The following SMG6 variants were observed in gnomAD, a reference collection of about 807,000 sequenced individuals.
SMG6 encodes the protein SMG6 nonsense mediated mRNA decay factor.
In SMG6, 66 loss-of-function variants were observed where a neutral mutation model predicts 142.2. The ratio of observed to expected loss-of-function variants is 0.46; its 90% confidence interval spans 0.38 to 0.57. SMG6 has a LOEUF of 0.57. Among genes scored for constraint, SMG6 ranks in the 20% least tolerant of loss-of-function variants. The probability of loss-of-function intolerance (pLI) is 0.00; values close to 1 mark genes in which losing one functional copy is unlikely to be tolerated. For synonymous variants in SMG6, 779 were observed against 702.4 expected, an observed-to-expected ratio of 1.11 and a Z score of -1.72; for missense variants, 1,793 against 1,832.0, an observed-to-expected ratio of 0.98 and a Z score of 0.39.
intron 8 of SMG6, among the ~76,000 whole-genome samples, chr17:2,268,260 GC>G (rs2074467142): frequency 6.6e-6 from 1 of 152,054 alleles, no homozygotes; most frequent in Non-Finnish European, 1.5e-5. Flanking sequence ...TAAACCTAAA[GC>G]CTCATGATAC....
intron 13 of SMG6, among the ~76,000 whole-genome samples, chr17:2,141,202 A>G (rs1362274475): frequency 1.3e-5 from 2 of 152,240 alleles, no homozygotes; most frequent in Admixed American, 6.5e-5. Flanking sequence ...GTAACTTTCC[A>G]TCATTACAGT....
chr17:2,126,715 CAAAAA>C (rs532997926), intron 13 of SMG6, among the ~76,000 whole-genome samples: 1 of 66,102 alleles, frequency 1.5e-5, no homozygotes, highest in African/African-American at 5.3e-5. Flanking sequence ...GGCTCAGTTT[CAAAAA>C]AAAAAAAAAA....
intron 13 of SMG6, chr17:2,127,703 G>A (rs189013884): frequency 1.6e-5 from 9 of 566,026 alleles, no homozygotes; most frequent in East Asian, 4.7e-5. Flanking sequence ...GTATCTGTTC[G>A]GACTTTAATC....
intron 13 of SMG6, among the ~76,000 whole-genome samples, chr17:2,154,961 G>A (rs1056769813): frequency 6.6e-6 from 1 of 152,072 alleles, no homozygotes; most frequent in Non-Finnish European, 1.5e-5. Flanking sequence ...CTTGAGCTCA[G>A]AAGGTTGAGG....
chr17:2,094,107 G>A (rs1235492889), intron 13 of SMG6, among the ~76,000 whole-genome samples: 2 of 152,158 alleles, frequency 1.3e-5, no homozygotes, highest in African/African-American at 2.4e-5. Flanking sequence ...CGGAACAAGC[G>A]GGCCACTAAT....
intron 10 of SMG6, among the ~76,000 whole-genome samples, chr17:2,191,504 G>T (rs905556294): frequency 1.3e-5 from 2 of 152,232 alleles, no homozygotes; most frequent in Admixed American, 1.3e-4. Context: ...TTTGTGTCAG[G>T]TAGCAGGAGC....
intron 2 of SMG6, among the ~76,000 whole-genome samples, chr17:2,298,589 G>A (rs2075196660): frequency 6.6e-6 from 1 of 151,932 alleles, no homozygotes; most frequent in Non-Finnish European, 1.5e-5. Context: ...GTGGTGGCAG[G>A]CGCCTGTAGT....
chr17:2,105,772 C>T (rs574857827), intron 13 of SMG6, among the ~76,000 whole-genome samples: 88 of 152,272 alleles, frequency 5.8e-4, no homozygotes, highest in African/African-American at 2.0e-3. Flanking sequence ...TTTCACTGGA[C>T]ATAATATGGG....
chr17:2,258,030 A>C (rs370390757), intron 8 of SMG6, among the ~76,000 whole-genome samples: 1 of 110,896 alleles, frequency 9.0e-6, no homozygotes, highest in East Asian at 2.6e-4. Context: ...AAAAAAAAAA[A>C]AAAAATATAC....
intron 8 of SMG6, among the ~76,000 whole-genome samples, chr17:2,282,170 T>G (rs2074801237): frequency 6.6e-6 from 1 of 152,108 alleles, no homozygotes; most frequent in Admixed American, 6.5e-5. Flanking sequence ...AAGCCTGTGA[T>G]TTTTCTACTG....
At chr17:2,146,134 T>C (rs919629113) in intron 13 of SMG6, among the ~76,000 whole-genome samples, 6 of 152,130 alleles carry the variant, frequency 3.9e-5, no homozygotes, top group African/African-American at 4.8e-5. Flanking sequence ...CAAAAAACAA[T>C]AGTAATGCAA....
intron 15 of SMG6, among the ~76,000 whole-genome samples, chr17:2,069,494 G>T (rs983073590): frequency 1.3e-5 from 2 of 151,850 alleles, no homozygotes; most frequent in Non-Finnish European, 2.9e-5. Flanking sequence ...TACTTGGGAG[G>T]CTGACATGGG....
Position 2,081,944 on chromosome 17 carries a change from C to A in SMG6, c.3547G>T (p.Val1183Leu). 6.2e-7 allele frequency: 1 copy of A among 1,614,164 alleles called. No homozygotes were observed. Among genetic ancestry groups the A allele is most frequent in the Non-Finnish European group, 8.5e-7 (1 of 1,180,042 alleles). Residue 1183 changes from valine (V) to leucine (L), a missense_variant, in exon 15 of 19, where the codon GTG (valine) becomes TTG (leucine). This residue lies in a region of SMG6 where 1,597 missense variants were observed against 1,584.6 expected (regional missense o/e 1.01). Coordinates refer to ENST00000263073, the MANE Select transcript of SMG6 (RefSeq NM_017575.5). ...GAATCTTCCTCAAAGTCTTCAATCACCACATCCTCCTCCTTTGGGTGGTGG... is the reference window on the plus strand; with the variant it reads ...GAATCTTCCTCAAAGTCTTCAATCAACACATCCTCCTCCTTTGGGTGGTGG... ...TRLEDEEEDV[V>L]IEDFEEDSEA...
chr17:2,279,635 G>C (rs897078878), intron 8 of SMG6, among the ~76,000 whole-genome samples: 1 of 152,160 alleles, frequency 6.6e-6, no homozygotes, highest in Non-Finnish European at 1.5e-5. Context: ...AAGGAGAGAA[G>C]TGGATGGCTT....
intron 13 of SMG6, among the ~76,000 whole-genome samples, chr17:2,108,854 G>C (rs944300787): frequency 2.0e-4 from 30 of 151,676 alleles, no homozygotes; most frequent in African/African-American, 6.8e-4. Context: ...TGAGGTGGTA[G>C]AATCACTTGA....
chr17:2,147,363 A>C (rs2070700889), intron 13 of SMG6, among the ~76,000 whole-genome samples: 1 of 152,138 alleles, frequency 6.6e-6, no homozygotes, highest in Non-Finnish European at 1.5e-5. Flanking sequence ...ACTGCACTCC[A>C]GCCTGGGTGA....
At chr17:2,230,116 G>A (rs1403387729) in intron 10 of SMG6, among the ~76,000 whole-genome samples, 3 of 139,616 alleles carry the variant, frequency 2.1e-5, no homozygotes, top group African/African-American at 8.0e-5. Flanking sequence ...AACCCAGGAG[G>A]CAGAGGTTGC....
rs1249477629 is a variant in SMG6 at position 2,244,762 on chromosome 17, CCA to C, written c.2662-45_2662-44del. 1.9e-6 allele frequency: 3 copies of C among 1,547,182 alleles called. No individual in the cohort carries two copies. The African/African-American group carries it at 4.1e-5, about 21-fold the overall frequency. On this transcript the variant is annotated intron_variant, in intron 8 of 18. Coordinates refer to ENST00000263073, the MANE Select transcript of SMG6 (RefSeq NM_017575.5). Reference sequence around the variant, plus strand: ...AGAGGAGAAAACAATTAAACTTTCCCCAGTTTCCTGTTACTGAACAGAGTCCC... The same window carrying C: ...AGAGGAGAAAACAATTAAACTTTCCCGTTTCCTGTTACTGAACAGAGTCCC...
At position 2,116,841 on chromosome 17, in the gene SMG6, G is replaced by GA. The variant is rs756947319; in HGVS notation, c.3358-30941dup. ...CATAGGACTTATATTCAGAATACTGGAAAAAAAAAACACCCTATAAATCAG... is the reference window on the plus strand; with the variant it reads ...CATAGGACTTATATTCAGAATACTGGAAAAAAAAAAACACCCTATAAATCAG... On this transcript the variant is annotated intron_variant, in intron 13 of 18. Coordinates refer to ENST00000263073, the MANE Select transcript of SMG6 (RefSeq NM_017575.5). Among the ~76,000 whole-genome samples the GA allele has an allele frequency of 6.0e-3, 783 of 129,788 alleles. 2 individuals carry two copies. Among genetic ancestry groups the GA allele is most frequent in the Middle Eastern group, 0.012 (3 of 258 alleles). 85.1% of individuals were successfully genotyped at this position (129,788 alleles called of 152,430 possible).
Sources: allele counts gnomAD v4.1 joint callset (sites outside exome capture counted in the v4.1 genomes callset), GRCh38; gene constraint gnomAD v4.1.1; regional missense constraint gnomAD v4.1.1; transcripts MANE v1.5; gene names NCBI Gene and HGNC (gene_info 2026-07-23, HGNC 2026-07-21).